The following FAM3C variants were observed in gnomAD, a reference collection of about 807,000 sequenced individuals.
FAM3C encodes FAM3 metabolism regulating signaling molecule C.
In FAM3C, 15 loss-of-function variants were observed where a neutral mutation model predicts 32.5. The ratio of observed to expected loss-of-function variants is 0.46; its 90% CI spans 0.31 to 0.71. The LOEUF is 0.71. Ranked by LOEUF, FAM3C falls within the 30% of genes least tolerant of loss-of-function variation. The probability of loss-of-function intolerance (pLI) is 0.05; values close to 1 mark genes in which losing one functional copy is unlikely to be tolerated. For synonymous variants in FAM3C, 75 were observed against 86.1 expected (o/e 0.87, Z 0.72); for missense variants, 175 against 274.4 (o/e 0.64, Z 2.56).
chr7:121,369,779 G>C (rs1488711440), intron 5 of FAM3C, among the ~76,000 whole-genome samples: 1 of 152,182 alleles, frequency 6.6e-6, no homozygotes, highest in Non-Finnish European at 1.5e-5. Context: ...GAAGAGTGAG[G>C]AAAGACCATC....
chr7:121,363,640 T>C (rs1793969306), intron 6 of FAM3C, among the ~76,000 whole-genome samples: 1 of 152,156 alleles, frequency 6.6e-6, no homozygotes, highest in East Asian at 1.9e-4. Flanking sequence ...ACTTTATGGT[T>C]TTATGTTTTC....
chr7:121,354,859 C>G (rs1182517080), intron 8 of FAM3C, among the ~76,000 whole-genome samples: 1 of 152,118 alleles, frequency 6.6e-6, no homozygotes, highest in African/African-American at 2.4e-5. Context: ...TATATAATTG[C>G]TAACACTTCC....
At chr7:121,388,082 T>C (rs1229957487) in intron 1 of FAM3C, among the ~76,000 whole-genome samples, 3 of 152,178 alleles carry the variant, frequency 2.0e-5, no homozygotes, top group South Asian at 2.1e-4. Context: ...GCTGCTATCA[T>C]TGTGTTAGAA....
At chr7:121,376,393 A>G (rs1377153485) in intron 3 of FAM3C, among the ~76,000 whole-genome samples, 1 of 152,226 alleles carries the variant, frequency 6.6e-6, no homozygotes, top group Non-Finnish European at 1.5e-5. Flanking sequence ...AGGGGGCTCT[A>G]GCAGGCAGAA....
chr7:121,367,774 T>C (rs940085761), intron 5 of FAM3C, among the ~76,000 whole-genome samples: 8 of 152,054 alleles, frequency 5.3e-5, no homozygotes, highest in African/African-American at 1.9e-4. Context: ...CAAGACCACC[T>C]TGGGCAACAC....
intron 8 of FAM3C, among the ~76,000 whole-genome samples, chr7:121,359,252 C>G (rs1207843315): frequency 6.6e-6 from 1 of 151,944 alleles, no homozygotes; most frequent in Non-Finnish European, 1.5e-5. Context: ...CTAAGATAGT[C>G]TATTGTGCTA....
intron 1 of FAM3C, among the ~76,000 whole-genome samples, chr7:121,394,382 T>G (rs1794642611): frequency 6.6e-6 from 1 of 152,256 alleles, no homozygotes; most frequent in African/African-American, 2.4e-5. Context: ...GCAATCCACA[T>G]TAAAAATCTG....
intron 5 of FAM3C, among the ~76,000 whole-genome samples, chr7:121,364,770 A>C (rs566407868): frequency 6.6e-6 from 1 of 152,256 alleles, no homozygotes; most frequent in Admixed American, 6.5e-5. Flanking sequence ...TACCTGAAAT[A>C]ATCGACTTCC....
At chr7:121,380,730 A>ATT (rs1176978213) in intron 2 of FAM3C, among the ~76,000 whole-genome samples, 4 of 102,730 alleles carry the variant, frequency 3.9e-5, no homozygotes, top group African/African-American at 1.2e-4. Flanking sequence ...ATATACAAAC[A>ATT]TTTTATATAT....
intron 8 of FAM3C, among the ~76,000 whole-genome samples, chr7:121,351,857 G>A (rs531079695): frequency 1.1e-3 from 173 of 152,280 alleles, no homozygotes; most frequent in African/African-American, 4.0e-3. Flanking sequence ...ACTAGCAGGA[G>A]GTGGAGCAGT....
intron 8 of FAM3C, among the ~76,000 whole-genome samples, chr7:121,357,227 GA>G (rs1203757163): frequency 6.6e-6 from 1 of 152,134 alleles, no homozygotes; most frequent in Non-Finnish European, 1.5e-5. Context: ...CGACGAGAGA[GA>G]GAGAGTGAGT....
chr7:121,364,047 C>T (rs950257397), intron 6 of FAM3C, 83 bp downstream of exon 6: 12 of 918,792 alleles, frequency 1.3e-5, no homozygotes, highest in Middle Eastern at 4.2e-4. Flanking sequence ...TACTTTCTAA[C>T]CTGATCCTCT....
At chr7:121,394,977 C>T (rs551112412) in intron 1 of FAM3C, among the ~76,000 whole-genome samples, 67 of 152,238 alleles carry the variant, frequency 4.4e-4, no homozygotes, top group African/African-American at 1.6e-3. Context: ...TCCAAGGGGT[C>T]GGGGCCTCTG....
intron 1 of FAM3C, among the ~76,000 whole-genome samples, chr7:121,395,881 C>A (rs1794683294): frequency 1.3e-5 from 2 of 151,440 alleles, no homozygotes; most frequent in African/African-American, 4.8e-5. Context: ...AGTGCCAGCG[C>A]CAGGTGCAGA....
chr7:121,378,004 G>C (rs1324487574), intron 3 of FAM3C, among the ~76,000 whole-genome samples: 1 of 152,034 alleles, frequency 6.6e-6, no homozygotes, highest in Non-Finnish European at 1.5e-5. Context: ...TTAAATAATT[G>C]TTTTCCACTT....
intron 8 of FAM3C, among the ~76,000 whole-genome samples, chr7:121,357,888 T>C (rs542595908): frequency 1.3e-5 from 2 of 152,284 alleles, no homozygotes; most frequent in South Asian, 4.1e-4. Flanking sequence ...GGGAGCAATT[T>C]TGATTCCCAT....
At chr7:121,390,853 C>CGGGGGGG (rs58750532) in intron 1 of FAM3C, among the ~76,000 whole-genome samples, 3 of 7,454 alleles carry the variant, frequency 4.0e-4, no homozygotes, top group African/African-American at 7.6e-4. Flanking sequence ...CTGTGTGGGG[C>CGGGGGGG]GGGGGGGGGG....
chr7:121,378,664 C>T (rs1044790810), intron 3 of FAM3C, among the ~76,000 whole-genome samples: 1 of 151,710 alleles, frequency 6.6e-6, no homozygotes, highest in Admixed American at 6.6e-5. Context: ...TGATTAATGC[C>T]CCTAAAAATG....
intron 2 of FAM3C, among the ~76,000 whole-genome samples, chr7:121,381,237 A>G (rs968590303): frequency 2.6e-5 from 4 of 152,222 alleles, no homozygotes; most frequent in African/African-American, 9.6e-5. Flanking sequence ...TCACAAGCCA[A>G]GAAGTACAAA....
Sources: allele counts gnomAD v4.1 joint callset (sites outside exome capture counted in the v4.1 genomes callset), GRCh38; gene constraint gnomAD v4.1.1; transcripts MANE v1.5; gene names NCBI Gene and HGNC (gene_info 2026-07-23, HGNC 2026-07-21).